The following STT3B variants were observed in gnomAD, a reference collection of about 807,000 sequenced individuals.
STT3B encodes STT3 oligosaccharyltransferase complex catalytic subunit B.
STT3B carries 29 observed loss-of-function variants against 96.8 expected under a neutral mutation model. The ratio of observed to expected loss-of-function variants is 0.30; its 90% CI spans 0.22 to 0.41. The LOEUF (loss-of-function observed/expected upper bound fraction) is 0.41. Ranked by LOEUF, STT3B falls within the 10% of genes least tolerant of loss-of-function variation. STT3B has a pLI of 1.00. For synonymous variants in STT3B, 367 were observed against 360.0 expected (o/e 1.02, Z -0.22); for missense variants, 640 against 1,022.3 (o/e 0.63, Z 5.10).
chr3:31,589,635 A>G (rs1416211024), intron 3 of STT3B, among the ~76,000 whole-genome samples: 2 of 151,942 alleles, frequency 1.3e-5, no homozygotes, highest in Non-Finnish European at 2.9e-5. Context: ...CCCAATTACT[A>G]TAACTTCATT....
intron 1 of STT3B, among the ~76,000 whole-genome samples, chr3:31,542,525 G>T (rs1697303995): frequency 6.6e-6 from 1 of 152,164 alleles, no homozygotes. Flanking sequence ...ACTCTGTTTA[G>T]TCAGCCAGTA....
At chr3:31,552,777 T>C (rs1559362396) in intron 1 of STT3B, among the ~76,000 whole-genome samples, 2 of 152,250 alleles carry the variant, frequency 1.3e-5, no homozygotes, top group East Asian at 3.9e-4. Flanking sequence ...CTAGTATCTT[T>C]AGCACCCAGT....
chr3:31,538,816 C>A (rs1268187034), intron 1 of STT3B, among the ~76,000 whole-genome samples: 1 of 152,100 alleles, frequency 6.6e-6, no homozygotes, highest in East Asian at 1.9e-4. Context: ...CTGGTGGATG[C>A]TTTTTGTATT....
chr3:31,539,929 A>G (rs1055111756), intron 1 of STT3B, among the ~76,000 whole-genome samples: 7 of 152,150 alleles, frequency 4.6e-5, no homozygotes, highest in South Asian at 2.1e-4. Flanking sequence ...TCAGAATTCT[A>G]TAACCCACAG....
At chr3:31,566,256 T>G (rs1421296241) in intron 1 of STT3B, among the ~76,000 whole-genome samples, 1 of 152,162 alleles carries the variant, frequency 6.6e-6, no homozygotes, top group Non-Finnish European at 1.5e-5. Context: ...CTGTTGCTGT[T>G]TGGAATCACC....
rs900694514 is a variant in STT3B, at chr3:31,635,913, A to G, written c.2401-71A>G. On this transcript the variant is annotated intron_variant, in intron 15 of 15. Coordinates refer to ENST00000295770, the MANE Select transcript of STT3B (RefSeq NM_178862.3). ...CTAAGTCATCATAGTTCAGTAAACC[A>G]TGTGTGTGTTTATAGATTTTTTAAT... The G allele has an allele frequency of 8.0e-6, 9 of 1,125,526 alleles. No homozygotes were observed. In the Admixed American group the frequency reaches 1.5e-4, roughly 18 times the overall value. The allele number at this position is 1,125,526 out of a possible 1,614,324, so 69.7% of individuals were successfully genotyped here.
intron 15 of STT3B, among the ~76,000 whole-genome samples, chr3:31,633,390 T>A (rs1196776522): frequency 6.6e-6 from 1 of 152,206 alleles, no homozygotes; most frequent in African/African-American, 2.4e-5. Context: ...CTATTGCCAT[T>A]AGTAAGACTT....
At position 31,633,080 on chromosome 3, in the gene STT3B, G is replaced by C. The variant is rs1403266371; in HGVS notation, c.2333G>C (p.Arg778Thr). Residue 778 changes from arginine to threonine, a missense_variant, in exon 15 of 16, where the codon AGG becomes ACG. This residue lies in a region of STT3B where 51 missense variants were observed against 64.2 expected (regional missense o/e 0.79). Transcript: ENST00000295770. The part of the protein sequence containing the change: ...RIYKVKAPDN[R>T]ETLDHKPRVT... ...TATAAAGTAAAAGCACCTGATAACAGGGAGACATTAGATCACAAACCTCGA... is the reference window on the plus strand; with the variant it reads ...TATAAAGTAAAAGCACCTGATAACACGGAGACATTAGATCACAAACCTCGA... 2 of 1,614,052 alleles carry C rather than the reference G, an allele frequency of 1.2e-6. No homozygotes were observed. The highest frequency in any genetic ancestry group is 1.3e-5 in the African/African-American group (1 of 75,042).
At chr3:31,599,632 C>A (rs1698881530) in intron 4 of STT3B, among the ~76,000 whole-genome samples, 1 of 152,128 alleles carries the variant, frequency 6.6e-6, no homozygotes, top group Non-Finnish European at 1.5e-5. Context: ...TATTAGAGGA[C>A]ATCTAAGAAC....
intron 3 of STT3B, among the ~76,000 whole-genome samples, chr3:31,580,448 G>A (rs1005230112): frequency 1.3e-5 from 2 of 152,058 alleles, no homozygotes; most frequent in Non-Finnish European, 2.9e-5. Flanking sequence ...TCTGAAACTA[G>A]CATTATTTAT....
At position 31,619,823 on chromosome 3, in the gene STT3B, AG is replaced by A. The variant is rs753388381; in HGVS notation, c.1321del (p.Val441TyrfsTer16). The A allele has an allele frequency of 6.2e-7, 1 of 1,609,348 alleles. No individual in the cohort carries two copies. The highest frequency in any genetic ancestry group is 1.3e-5 in the African/African-American group (1 of 74,774). ...FCIKNINDER[V>X]FVALYAISAV... ...GCATCAAAAATATCAACGATGAAAG[AG>A]TATTTGGTAAGAGAGGTTTTTAATG... On this transcript the variant is annotated frameshift_variant, in exon 9 of 16. Coordinates refer to ENST00000295770, the MANE Select transcript of STT3B (RefSeq NM_178862.3). LOFTEE classifies it high-confidence loss of function.
intron 15 of STT3B, among the ~76,000 whole-genome samples, chr3:31,635,206 T>C (rs918771696): frequency 1.3e-5 from 2 of 152,186 alleles, no homozygotes; most frequent in African/African-American, 4.8e-5. Flanking sequence ...TTTCAAAAAA[T>C]ATTTGCTGTC....
chr3:31,584,664 G>A (rs985943337), intron 3 of STT3B, among the ~76,000 whole-genome samples: 1 of 151,990 alleles, frequency 6.6e-6, no homozygotes, highest in Non-Finnish European at 1.5e-5. Context: ...GAAACTGGGA[G>A]GTTATCTAGT....
At chr3:31,621,551 G>A (rs373683539) in intron 9 of STT3B, among the ~76,000 whole-genome samples, 4 of 152,338 alleles carry the variant, frequency 2.6e-5, no homozygotes, top group African/African-American at 9.6e-5. Context: ...GTCTTTTCCT[G>A]TGGTTAGCAC....
chr3:31,626,469 A>G (rs924041823), intron 13 of STT3B, among the ~76,000 whole-genome samples: 4 of 152,176 alleles, frequency 2.6e-5, no homozygotes, highest in Non-Finnish European at 5.9e-5. Context: ...GAAATAGGAT[A>G]GTAACCTTGA....
intron 1 of STT3B, among the ~76,000 whole-genome samples, chr3:31,544,666 A>T (rs1413860185): frequency 6.6e-6 from 1 of 152,220 alleles, no homozygotes; most frequent in Non-Finnish European, 1.5e-5. Context: ...GAAGACATTG[A>T]CACTTAAAGC....
intron 1 of STT3B, among the ~76,000 whole-genome samples, chr3:31,556,734 GTGA>G (rs905519579): frequency 6.6e-6 from 1 of 151,990 alleles, no homozygotes; most frequent in Non-Finnish European, 1.5e-5. Context: ...GCTTATTAAT[GTGA>G]TGATGATGAT....
At chr3:31,541,292 G>C (rs1697258013) in intron 1 of STT3B, among the ~76,000 whole-genome samples, 1 of 152,094 alleles carries the variant, frequency 6.6e-6, no homozygotes, top group South Asian at 2.1e-4. Flanking sequence ...CACTACCTTA[G>C]ACGACCTGGT....
At chr3:31,551,599 G>A (rs992632328) in intron 1 of STT3B, among the ~76,000 whole-genome samples, 8 of 152,116 alleles carry the variant, frequency 5.3e-5, no homozygotes, top group Admixed American at 5.2e-4. Flanking sequence ...CTCATTTACC[G>A]TTCCCACGAA....
Sources: allele counts gnomAD v4.1 joint callset (sites outside exome capture counted in the v4.1 genomes callset), GRCh38; gene constraint gnomAD v4.1.1; regional missense constraint gnomAD v4.1.1; transcripts MANE v1.5; gene names NCBI Gene and HGNC (gene_info 2026-07-23, HGNC 2026-07-21).